Variants in AFTPH observed in about 807,000 individuals in gnomAD.
AFTPH encodes the protein aftiphilin protein.
A neutral mutation model predicts 72.5 loss-of-function variants in AFTPH; 7 were observed. The ratio of observed to expected loss-of-function variants is 0.10; its 90% CI spans 0.05 to 0.18. The LOEUF (loss-of-function observed/expected upper bound fraction) is 0.18, where lower values mean the gene tolerates loss of function less well. Among genes scored for constraint, AFTPH ranks in the 10% least tolerant of loss-of-function variants. The probability of loss-of-function intolerance (pLI) is 1.00; values close to 1 mark genes in which losing one functional copy is unlikely to be tolerated. For missense variants in AFTPH, 979 were observed against 1,060.5 expected (o/e 0.92, Z 1.07); for synonymous variants, 337 against 370.1 (o/e 0.91, Z 1.03).
intron 1 of AFTPH, among the ~76,000 whole-genome samples, chr2:64,542,625 G>A (rs555787455): frequency 6.9e-5 from 10 of 144,940 alleles, no homozygotes; most frequent in South Asian, 6.6e-4. Flanking sequence ...GCATCCCCCC[G>A]CCCCCATGCC....
chr2:64,584,850 C>A (rs1286034890), intron 7 of AFTPH, among the ~76,000 whole-genome samples: 1 of 152,160 alleles, frequency 6.6e-6, no homozygotes, highest in African/African-American at 2.4e-5. Context: ...CCCGCCTCGG[C>A]CTCCCAAAGT....
chr2:64,548,052 A>G (rs1451508118), intron 1 of AFTPH, among the ~76,000 whole-genome samples: 2 of 149,400 alleles, frequency 1.3e-5, no homozygotes, highest in African/African-American at 2.4e-5. Context: ...CAGCCCCCCA[A>G]AGTGCTGGGA....
intron 2 of AFTPH, among the ~76,000 whole-genome samples, chr2:64,558,312 T>G (rs1030536798): frequency 8.5e-5 from 13 of 152,306 alleles, no homozygotes; most frequent in Middle Eastern, 3.4e-3. Context: ...AAACTGCAAC[T>G]TTAAGTGAAA....
intron 3 of AFTPH, among the ~76,000 whole-genome samples, chr2:64,567,943 G>A (rs1216839302): frequency 6.6e-6 from 1 of 151,984 alleles, no homozygotes; most frequent in Non-Finnish European, 1.5e-5. Context: ...TTGGGATTGA[G>A]GTTGAGGCAC....
chr2:64,569,493 A>G, intron 4 of AFTPH, 130 bp from the exon 5 acceptor site: 3 of 1,115,138 alleles, frequency 2.7e-6, no homozygotes, highest in Non-Finnish European at 3.9e-6. Flanking sequence ...CATATGGGCA[A>G]TTTTTAAGTT....
chr2:64,562,822 C>T (rs976226055), intron 2 of AFTPH, among the ~76,000 whole-genome samples: 2 of 152,214 alleles, frequency 1.3e-5, no homozygotes, highest in Non-Finnish European at 2.9e-5. Flanking sequence ...TAGGCTCCCA[C>T]TTTCCTGAAC....
At chr2:64,589,048 C>T (rs1489597520) in intron 8 of AFTPH, among the ~76,000 whole-genome samples, 1 of 152,142 alleles carries the variant, frequency 6.6e-6, no homozygotes, top group Non-Finnish European at 1.5e-5. Context: ...CTTTGACACA[C>T]AAAAGCTTTT....
At chr2:64,560,697 A>T (rs536392204) in intron 2 of AFTPH, among the ~76,000 whole-genome samples, 2 of 152,282 alleles carry the variant, frequency 1.3e-5, no homozygotes, top group Non-Finnish European at 2.9e-5. Flanking sequence ...ACATGGTGAA[A>T]CCCCATCTCT....
At position 64,542,641 on chromosome 2, in the gene AFTPH, G is replaced by A. The variant is rs572478391; in HGVS notation, c.-32-8802G>A. Among the ~76,000 whole-genome samples the A allele has an allele frequency of 5.3e-5, 8 of 149,778 alleles. No homozygotes were observed. The East Asian group carries it at 1.6e-3, about 29-fold the overall frequency. ...CATCCCCCCGCCCCCATGCCCCCAA[G>A]CCTATGAAATTATATAGTTATATAA... On this transcript the variant is annotated intron_variant, in intron 1 of 8. Coordinates refer to ENST00000238856, the Ensembl canonical transcript of AFTPH.
At chr2:64,570,789 G>A (rs1430877903) in intron 5 of AFTPH, among the ~76,000 whole-genome samples, 1 of 152,078 alleles carries the variant, frequency 6.6e-6, no homozygotes, top group Non-Finnish European at 1.5e-5. Context: ...CGTAGCCTCA[G>A]CCCATTAGCC....
chr2:64,591,753 T>C lies in AFTPH; in HGVS notation c.2580-132T>C, dbSNP rs568816017. ...CATACTGCACAAAAGTATTACAAGA[T>C]TCAGGAACTAGCAGAGGAAAAAATA... is the stretch of plus-strand genomic sequence containing the variant. On this transcript the variant is annotated intron_variant, in intron 8 of 8. Coordinates refer to ENST00000238856, the Ensembl canonical transcript of AFTPH. 7 of 888,312 alleles carry C rather than the reference T, an allele frequency of 7.9e-6. No individual in the cohort carries two copies. The East Asian group carries it at 1.8e-4, about 23-fold the overall frequency. 55.0% of individuals were successfully genotyped at this position (888,312 alleles called of 1,614,324 possible). A position where few individuals can be genotyped will look rare whatever the true frequency, so the allele number is the denominator to read the frequency against.
At chr2:64,540,868 T>TA (rs1372068810) in intron 1 of AFTPH, among the ~76,000 whole-genome samples, 2 of 152,154 alleles carry the variant, frequency 1.3e-5, no homozygotes, top group African/African-American at 4.8e-5. Flanking sequence ...GGTTATACTG[T>TA]ACTTTCTTGT....
intron 1 of AFTPH, among the ~76,000 whole-genome samples, chr2:64,548,209 A>C (rs1259059464): frequency 1.4e-5 from 2 of 145,384 alleles, no homozygotes; most frequent in Non-Finnish European, 3.1e-5. Flanking sequence ...CTGGCTAACA[A>C]GGTGAAACCC....
intron 2 of AFTPH, among the ~76,000 whole-genome samples, chr2:64,554,947 C>T (rs1046900352): frequency 6.6e-6 from 1 of 152,168 alleles, no homozygotes; most frequent in African/African-American, 2.4e-5. Context: ...TTTCTTGCAT[C>T]ATACAAGTTG....
At chr2:64,557,331 A>G (rs928171712) in intron 2 of AFTPH, among the ~76,000 whole-genome samples, 3 of 152,206 alleles carry the variant, frequency 2.0e-5, no homozygotes, top group Admixed American at 6.5e-5. Flanking sequence ...AAAGGAGGCT[A>G]TGAGTTATTT....
chr2:64,561,692 AAATC>A (rs1671753884), intron 2 of AFTPH, among the ~76,000 whole-genome samples: 2 of 152,192 alleles, frequency 1.3e-5, no homozygotes, highest in African/African-American at 4.8e-5. Context: ...AAGAAAAAAA[AAATC>A]AAGTAATTGC....
intron 7 of AFTPH, among the ~76,000 whole-genome samples, chr2:64,582,919 C>CA (rs896985230): frequency 6.6e-6 from 1 of 152,162 alleles, no homozygotes; most frequent in African/African-American, 2.4e-5. Flanking sequence ...GCGAGAAGAG[C>CA]AAGCGGTTTC....
intron 1 of AFTPH, among the ~76,000 whole-genome samples, chr2:64,533,716 T>C (rs1669749539): frequency 6.6e-6 from 1 of 152,130 alleles, no homozygotes; most frequent in Non-Finnish European, 1.5e-5. Flanking sequence ...TTTATGTAAA[T>C]AATGCTTGCC....
At chr2:64,563,023 A>G (rs1022035222) in intron 2 of AFTPH, among the ~76,000 whole-genome samples, 2 of 152,228 alleles carry the variant, frequency 1.3e-5, no homozygotes, top group African/African-American at 4.8e-5. Flanking sequence ...CTTTTTCTGC[A>G]TTAATCTGCT....
Sources: gnomAD v4.1 joint callset for allele counts (sites outside exome capture counted in the v4.1 genomes callset) on GRCh38, gnomAD v4.1.1 for gene constraint, MANE v1.5 for transcripts, NCBI Gene and HGNC (gene_info 2026-07-23, HGNC 2026-07-21) for gene names.